The following SLC14A2 variants were observed in gnomAD, a reference collection of about 807,000 sequenced individuals.
SLC14A2 encodes the protein solute carrier family 14 member 2, also known as urea transporter 2.
A neutral mutation model predicts 104.6 loss-of-function variants in SLC14A2; 91 were observed. The observed-to-expected ratio is 0.87, with a 90% CI of 0.73 to 1.04. The LOEUF (loss-of-function observed/expected upper bound fraction) is 1.04, where lower values mean the gene tolerates loss of function less well. Ranked by LOEUF, SLC14A2 falls within the 50% of genes least tolerant of loss-of-function variation. The pLI is 0.00. For synonymous variants in SLC14A2, 476 were observed against 466.4 expected, an observed-to-expected ratio of 1.02 and a Z score of -0.27; for missense variants, 1,189 against 1,156.0, an observed-to-expected ratio of 1.03 and a Z score of -0.41.
intron 1 of SLC14A2, among the ~76,000 whole-genome samples, chr18:45,252,780 T>C (rs953547176): frequency 1.4e-5 from 2 of 146,024 alleles, no homozygotes; most frequent in Non-Finnish European, 3.0e-5. Context: ...AACATACTCA[T>C]AGCAATATTG....
chr18:45,195,494 C>T, the SLC14A2 span, among the ~76,000 whole-genome samples: 8 of 152,116 alleles, frequency 5.3e-5, no homozygotes, highest in East Asian at 1.9e-4. Context: ...CAGGTTCAAG[C>T]GATTCTTCTG....
the SLC14A2 span, among the ~76,000 whole-genome samples, chr18:45,205,492 C>G: frequency 5.3e-5 from 8 of 151,934 alleles, no homozygotes; most frequent in Non-Finnish European, 8.8e-5. Flanking sequence ...TTGAAGCGAG[C>G]CGTATAATGA....
At chr18:45,569,531 C>T (rs908440589) in intron 2 of SLC14A2, among the ~76,000 whole-genome samples, 1 of 152,176 alleles carries the variant, frequency 6.6e-6, no homozygotes, top group African/African-American at 2.4e-5. Context: ...CATATCTCAT[C>T]CCTGGCCAGC....
chr18:45,512,429 G>A (rs182654855), intron 2 of SLC14A2, among the ~76,000 whole-genome samples: 11 of 152,292 alleles, frequency 7.2e-5, no homozygotes, highest in African/African-American at 2.6e-4. Flanking sequence ...GCATACTGAA[G>A]AGTCAAGAGA....
intron 1 of SLC14A2, among the ~76,000 whole-genome samples, chr18:45,333,456 T>C (rs539349243): frequency 6.6e-6 from 1 of 152,310 alleles, no homozygotes; most frequent in East Asian, 1.9e-4. Context: ...ATTCAAAGCA[T>C]GGTTTAATGC....
chr18:45,682,223 C>T (rs2046320826), intron 19 of SLC14A2, 96 bp from the exon 20 acceptor site: 2 of 1,043,582 alleles, frequency 1.9e-6, no homozygotes, highest in Admixed American at 1.7e-5. Flanking sequence ...CAAAGCAGTC[C>T]CTCATGTCCC....
At chr18:45,364,977 G>A (rs902227036) in intron 1 of SLC14A2, among the ~76,000 whole-genome samples, 6 of 152,212 alleles carry the variant, frequency 3.9e-5, no homozygotes, top group Non-Finnish European at 7.3e-5. Flanking sequence ...GTGAATCGCA[G>A]ATTTTGGGGG....
intron 1 of SLC14A2, among the ~76,000 whole-genome samples, chr18:45,295,335 G>A (rs1001308533): frequency 6.6e-5 from 10 of 151,746 alleles, no homozygotes; most frequent in African/African-American, 1.9e-4. Context: ...GAATACTCAT[G>A]GAAAATGCAG....
intron 1 of SLC14A2, among the ~76,000 whole-genome samples, chr18:45,239,222 C>G (rs912562563): frequency 6.6e-6 from 1 of 152,166 alleles, no homozygotes; most frequent in Non-Finnish European, 1.5e-5. Context: ...CCCCAAGTAC[C>G]AAGTAAAGTG....
chr18:45,527,534 A>C (rs754606559), intron 2 of SLC14A2, among the ~76,000 whole-genome samples: 3 of 152,198 alleles, frequency 2.0e-5, no homozygotes, highest in Non-Finnish European at 4.4e-5. Context: ...AACTTTTTGC[A>C]AAAAGAAAGA....
intron 2 of SLC14A2, among the ~76,000 whole-genome samples, chr18:45,516,255 C>T (rs961002899): frequency 3.3e-5 from 5 of 152,080 alleles, no homozygotes; most frequent in African/African-American, 7.2e-5. Flanking sequence ...TCTTTCCTCC[C>T]TCCCTTCTTC....
intron 1 of SLC14A2, among the ~76,000 whole-genome samples, chr18:45,386,823 A>G (rs922612351): frequency 1.3e-5 from 2 of 152,222 alleles, no homozygotes; most frequent in South Asian, 4.1e-4. Context: ...TGCTGATAGT[A>G]TCTACCTCCC....
intron 1 of SLC14A2, among the ~76,000 whole-genome samples, chr18:45,472,220 T>TG (rs140588081): frequency 0.22 from 33,494 of 152,088 alleles, 4,010 homozygotes; most frequent in Non-Finnish European, 0.27. Flanking sequence ...TTCTTTTTCA[T>TG]GCTGCATAGT....
At chr18:45,328,139 G>C (rs1442678928) in intron 1 of SLC14A2, among the ~76,000 whole-genome samples, 1 of 152,186 alleles carries the variant, frequency 6.6e-6, no homozygotes, top group Middle Eastern at 3.2e-3. Context: ...AGAGCTCTCT[G>C]TTCCCTCTCC....
chr18:45,411,333 A>G (rs1384146350), intron 1 of SLC14A2, among the ~76,000 whole-genome samples: 1 of 152,108 alleles, frequency 6.6e-6, no homozygotes, highest in Non-Finnish European at 1.5e-5. Context: ...CTTTGCTTTT[A>G]TTAAGATAAA....
intron 1 of SLC14A2, among the ~76,000 whole-genome samples, chr18:45,388,177 G>A (rs1484250784): frequency 1.4e-5 from 2 of 138,806 alleles, no homozygotes; most frequent in Non-Finnish European, 3.0e-5. Context: ...CTGGGTTCAC[G>A]CCATTCTCCT....
chr18:45,306,486 G>C (rs553644201), intron 1 of SLC14A2, among the ~76,000 whole-genome samples: 5 of 152,278 alleles, frequency 3.3e-5, no homozygotes, highest in African/African-American at 1.2e-4. Context: ...TAGCTAATAT[G>C]GAAATGAATG....
At chr18:45,604,669 G>C (rs950278091) in intron 2 of SLC14A2, among the ~76,000 whole-genome samples, 16 of 152,108 alleles carry the variant, frequency 1.1e-4, no homozygotes, top group Admixed American at 3.3e-4. Flanking sequence ...ATATTTTTGG[G>C]CAGTCACCCC....
chr18:45,586,735 A>T (rs1304349176), intron 2 of SLC14A2, among the ~76,000 whole-genome samples: 1 of 151,964 alleles, frequency 6.6e-6, no homozygotes, highest in Non-Finnish European at 1.5e-5. Context: ...CCAATCTACA[A>T]TCAGGTGTGT....
Sources: allele counts gnomAD v4.1 joint callset (sites outside exome capture counted in the v4.1 genomes callset), GRCh38; gene constraint gnomAD v4.1.1; transcripts MANE v1.5; gene names NCBI Gene and HGNC (gene_info 2026-07-23, HGNC 2026-07-21).